Variants in GUCY2F observed in about 807,000 individuals in gnomAD.
The protein encoded by GUCY2F is guanylate cyclase 2F, retinal.
GUCY2F carries 61 observed loss-of-function variants against 73.1 expected under a neutral mutation model. The ratio of observed to expected loss-of-function variants is 0.83; its 90% CI spans 0.68 to 1.03. The LOEUF is 1.03. Ranked by LOEUF, GUCY2F falls within the 50% of genes least tolerant of loss-of-function variation. The probability of loss-of-function intolerance (pLI) is 0.00; values close to 1 mark genes in which losing one functional copy is unlikely to be tolerated. For missense variants in GUCY2F, 912 were observed against 854.3 expected (o/e 1.07, Z -0.84); for synonymous variants, 331 against 307.8 (o/e 1.08, Z -0.79).
chrX:109,381,549 C>A (rs761798577), intron 17 of GUCY2F, among the ~76,000 whole-genome samples: 4 of 111,915 alleles, frequency 3.6e-5, no homozygotes, highest in Non-Finnish European at 7.5e-5. Context: ...TTATTCTAAT[C>A]CTATATCTCA....
chrX:109,429,766 C>T (rs1461606381), intron 8 of GUCY2F, among the ~76,000 whole-genome samples: 2 of 112,211 alleles, frequency 1.8e-5, no homozygotes, highest in Non-Finnish European at 3.8e-5. Context: ...GCCTTATCTA[C>T]AGGCTGCTTT....
At chrX:109,398,514 G>A in intron 11 of GUCY2F, 35 bp downstream of exon 11, 6 of 1,170,053 alleles carry the variant, frequency 5.1e-6, no homozygotes, top group Non-Finnish European at 5.8e-6. Context: ...CGGTCATGGT[G>A]GACCCCTGGG....
chrX:109,425,678 A>C (rs1471040213), intron 8 of GUCY2F, among the ~76,000 whole-genome samples: 3 of 109,899 alleles, frequency 2.7e-5, no homozygotes, highest in African/African-American at 9.9e-5. Flanking sequence ...CGAGAGATAA[A>C]CGACTACAAA....
intron 6 of GUCY2F, among the ~76,000 whole-genome samples, chrX:109,443,548 G>T (rs973895193): frequency 9.0e-5 from 10 of 111,594 alleles, no homozygotes; most frequent in Admixed American, 7.6e-4. Context: ...GCACTGCTTA[G>T]CTATTTATGG....
chrX:109,421,666 T>C (rs57414853), intron 8 of GUCY2F, among the ~76,000 whole-genome samples: 1,422 of 111,809 alleles, frequency 0.013, 20 homozygotes, highest in East Asian at 0.054. Context: ...TCTGGAGATA[T>C]GTTTCACAAC....
intron 2 of GUCY2F, among the ~76,000 whole-genome samples, chrX:109,466,168 C>CT (rs1199728950): frequency 1.8e-5 from 2 of 111,388 alleles, no homozygotes; most frequent in Non-Finnish European, 3.8e-5. Flanking sequence ...AGACTTCAGA[C>CT]TTTTTTTAGA....
At chrX:109,459,456 C>A (rs1034987309) in intron 3 of GUCY2F, among the ~76,000 whole-genome samples, 1 of 111,368 alleles carries the variant, frequency 9.0e-6, no homozygotes, top group Non-Finnish European at 1.9e-5. Context: ...ATCCCCCATA[C>A]CCACCTCTAC....
chrX:109,404,491 A>C lies in GUCY2F; in HGVS notation c.1969-7T>G. On this transcript the variant is annotated splice_region_variant and splice_polypyrimidine_tract_variant and intron_variant, in intron 9 of 19. Coordinates refer to ENST00000218006, the MANE Select transcript of GUCY2F (RefSeq NM_001522.3). ...GGTGTAAGTACTTCATGCCCTGTAG[A>C]TGACACAACAGGATTTATTTAGCAA... The C allele has an allele frequency of 8.7e-7, 1 of 1,151,101 alleles. No homozygotes were observed. The highest frequency in any genetic ancestry group is 1.2e-6 in the Non-Finnish European group (1 of 849,191). 94.9% of individuals were successfully genotyped at this position (1,151,101 alleles called of 1,213,427 possible). A position where few individuals can be genotyped will look rare whatever the true frequency, so the allele number is the denominator to read the frequency against.
chrX:109,385,092 A>T lies in GUCY2F; in HGVS notation c.3055+92T>A. On this transcript the variant is annotated intron_variant, in intron 16 of 19. Transcript: ENST00000218006. ...TTTTCTTTAAAACATTGAAACATCA[A>T]GTATCCTGCTCTCTTTCACCTCTCT... The T allele has an allele frequency of 8.8e-6, 4 of 454,824 alleles. No homozygotes were observed. The South Asian group carries it at 1.7e-4, about 19-fold the overall frequency. 37.5% of individuals were successfully genotyped at this position (454,824 alleles called of 1,213,427 possible).
chrX:109,401,134 C>T (rs1930829745), intron 10 of GUCY2F, among the ~76,000 whole-genome samples: 1 of 112,133 alleles, frequency 8.9e-6, no homozygotes, highest in Non-Finnish European at 1.9e-5. Context: ...CGAGAGTGGA[C>T]AGTAATGAAT....
At chrX:109,394,276 C>A (rs1245347962) in intron 12 of GUCY2F, among the ~76,000 whole-genome samples, 2 of 112,072 alleles carry the variant, frequency 1.8e-5, no homozygotes, top group Non-Finnish European at 3.8e-5. Context: ...GAAATAACAT[C>A]TCTAGCATCA....
chrX:109,394,332 G>C (rs1930651586), intron 12 of GUCY2F, among the ~76,000 whole-genome samples: 1 of 112,108 alleles, frequency 8.9e-6, no homozygotes, highest in Non-Finnish European at 1.9e-5. Context: ...TAAGGTTTTA[G>C]AAATTTGACC....
chrX:109,376,746 C>A (rs184298382), intron 17 of GUCY2F, among the ~76,000 whole-genome samples: 11 of 111,654 alleles, frequency 9.9e-5, no homozygotes, highest in African/African-American at 3.3e-4. Context: ...AACCACAAGT[C>A]TCAGAAGAGA....
intron 12 of GUCY2F, 126 bp downstream of exon 12, chrX:109,395,215 C>T (rs1048347707): frequency 3.8e-6 from 2 of 531,874 alleles, no homozygotes; most frequent in African/African-American, 4.7e-5. Context: ...GCTGTTCCTC[C>T]AAGAGGAGTG....
chrX:109,384,596 G>A (rs1173776446), intron 16 of GUCY2F, among the ~76,000 whole-genome samples: 1 of 111,501 alleles, frequency 9.0e-6, no homozygotes, highest in Non-Finnish European at 1.9e-5. Context: ...AGAAGCTAAG[G>A]GTTTTATATA....
chrX:109,381,891 T>C (rs753514447), intron 17 of GUCY2F, among the ~76,000 whole-genome samples: 1 of 112,512 alleles, frequency 8.9e-6, no homozygotes, highest in East Asian at 2.8e-4. Context: ...GTCTGAAAAA[T>C]GCAGAAAAAA....
intron 5 of GUCY2F, among the ~76,000 whole-genome samples, chrX:109,450,987 A>AT (rs1289452970): frequency 2.7e-5 from 3 of 111,501 alleles, no homozygotes; most frequent in Non-Finnish European, 5.7e-5. Context: ...CACTATAGAA[A>AT]TTTTTTTCTT....
intron 2 of GUCY2F, among the ~76,000 whole-genome samples, chrX:109,465,845 T>C (rs1000980669): frequency 5.3e-5 from 6 of 112,235 alleles, no homozygotes; most frequent in Admixed American, 4.7e-4. Flanking sequence ...AATATATACT[T>C]ATGGGATGGT....
At position 109,418,074 on chromosome X, in the gene GUCY2F, C is replaced by T. The variant is rs1931287338; in HGVS notation, c.1792-8906G>A. ...CCCCAGATTAGTTACAATGGAGGTA[C>T]TCACAGCACAGAAATCAGAAAATGC... On this transcript the variant is annotated intron_variant, in intron 8 of 19. Transcript: ENST00000218006. Among the ~76,000 whole-genome samples, 6 of 111,266 alleles carry T rather than the reference C, an allele frequency of 5.4e-5. No homozygotes were observed. In the South Asian group the frequency reaches 1.8e-3, roughly 34 times the overall value.
Sources: allele counts gnomAD v4.1 joint callset (sites outside exome capture counted in the v4.1 genomes callset), GRCh38; gene constraint gnomAD v4.1.1; transcripts MANE v1.5; gene names NCBI Gene and HGNC (gene_info 2026-07-23, HGNC 2026-07-21).